Variants in ZNF79 observed in about 807,000 individuals in gnomAD.
The protein encoded by ZNF79 is ZNFpT7.
In ZNF79, 13 loss-of-function variants were observed where a neutral mutation model predicts 14.9. That is an observed-to-expected ratio of 0.87 (90% CI 0.57 to 1.38). The LOEUF (loss-of-function observed/expected upper bound fraction) is 1.38. Among genes scored for constraint, ZNF79 ranks in the 40% most tolerant of loss-of-function variants. The pLI is 0.00. For synonymous variants in ZNF79, 223 were observed against 235.1 expected, an observed-to-expected ratio of 0.95 and a Z score of 0.47; for missense variants, 631 against 630.6, an observed-to-expected ratio of 1.00 and a Z score of -0.01.
chr9:127,443,900 CAAA>C (rs34006666), intron 4 of ZNF79, 126 bp from the exon 5 acceptor site: 8,264 of 345,214 alleles, frequency 0.024, no homozygotes, highest in South Asian at 0.03. Context: ...GACTCCGTCT[CAAA>C]AAAAAAAAAA....
intron 4 of ZNF79, among the ~76,000 whole-genome samples, chr9:127,441,297 G>A (rs551827081): frequency 6.6e-6 from 1 of 152,202 alleles, no homozygotes; most frequent in Admixed American, 6.5e-5. Context: ...AGAATAACAA[G>A]AACCATGCAG....
chr9:127,440,158 G>A (rs575996373), intron 4 of ZNF79, among the ~76,000 whole-genome samples: 4 of 152,212 alleles, frequency 2.6e-5, no homozygotes, highest in East Asian at 3.9e-4. Context: ...CACCGCGCCC[G>A]GCCCACTAAT....
chr9:127,425,093 A>G (rs543148119), intron 1 of ZNF79, among the ~76,000 whole-genome samples: 98 of 152,146 alleles, frequency 6.4e-4, no homozygotes, highest in Non-Finnish European at 1.1e-3. Context: ...AGATGGACCA[A>G]TGACAGTGGA....
At chr9:127,438,971 G>C (rs936164137) in intron 4 of ZNF79, among the ~76,000 whole-genome samples, 9 of 152,152 alleles carry the variant, frequency 5.9e-5, no homozygotes, top group African/African-American at 2.2e-4. Context: ...AATTAGCTGG[G>C]CATGGTAGCA....
intron 4 of ZNF79, 145 bp downstream of exon 4, chr9:127,436,148 G>C: frequency 1.5e-6 from 1 of 682,754 alleles, no homozygotes; most frequent in Middle Eastern, 3.4e-4. Context: ...GCTGAGAAAG[G>C]CTGGCTCACT....
chr9:127,440,696 C>T (rs12551873), intron 4 of ZNF79, among the ~76,000 whole-genome samples: 4,202 of 152,060 alleles, frequency 0.028, 90 homozygotes, highest in East Asian at 0.057. Flanking sequence ...GGCATGGGAG[C>T]GGGGAGGTCA....
chr9:127,435,885 G>A, intron 3 of ZNF79, 23 bp from the exon 4 acceptor site: 3 of 1,607,620 alleles, frequency 1.9e-6, no homozygotes, highest in Non-Finnish European at 2.6e-6. Context: ...AATTTCTAAA[G>A]CCTGTTTTTT....
At chr9:127,443,878 G>T (rs1834095039) in intron 4 of ZNF79, 151 bp from the exon 5 acceptor site, 2 of 688,622 alleles carry the variant, frequency 2.9e-6, no homozygotes, top group Admixed American at 3.7e-5. Context: ...TCCAGCCTGG[G>T]CGACAGAGCG....
At chr9:127,429,686 A>G (rs2131944996) in intron 2 of ZNF79, among the ~76,000 whole-genome samples, 1 of 152,150 alleles carries the variant, frequency 6.6e-6, no homozygotes, top group South Asian at 2.1e-4. Context: ...GAACAAAGTA[A>G]TTCATGTTCC....
In ZNF79 at chr9:127,424,767, G is replaced by A. The variant is rs761913425; in HGVS notation, c.-21G>A. 3 of 1,613,894 alleles carry A rather than the reference G, an allele frequency of 1.9e-6. No individual in the cohort carries two copies. The South Asian group carries it at 3.3e-5, about 18-fold the overall frequency. ...ACGCCCAGAGAACTGCTGGGAGGCT[G>A]TGGCGCGAGGCGGGACTCAAATGCT... On this transcript the variant is annotated 5_prime_UTR_variant, in exon 1 of 5. It adds an upstream start codon to the 5' untranslated region. Transcript: ENST00000342483.
intron 4 of ZNF79, among the ~76,000 whole-genome samples, chr9:127,439,111 CAAAA>C (rs142533619): frequency 6.9e-6 from 1 of 145,500 alleles, no homozygotes; most frequent in Non-Finnish European, 1.5e-5. Context: ...GACTCTGTCA[CAAAA>C]AAAAAGAAAA....
intron 4 of ZNF79, among the ~76,000 whole-genome samples, chr9:127,436,601 C>G (rs2131954454): frequency 6.6e-6 from 1 of 152,380 alleles, no homozygotes; most frequent in East Asian, 1.9e-4. Flanking sequence ...CAGCTGCTCT[C>G]TCCCCTAATC....
intron 4 of ZNF79, among the ~76,000 whole-genome samples, chr9:127,439,056 G>A (rs995340094): frequency 6.6e-6 from 1 of 151,972 alleles, no homozygotes; most frequent in Non-Finnish European, 1.5e-5. Flanking sequence ...AGACTGCCAT[G>A]AGCCAAGATC....
rs145677996 is a variant in ZNF79, at chr9:127,437,382, T to C, written c.328+1379T>C. On this transcript the variant is annotated intron_variant, in intron 4 of 4. Coordinates refer to ENST00000342483, the MANE Select transcript of ZNF79 (RefSeq NM_007135.3). ...GCATCTCTGTGTTCTATATAGTCTA[T>C]ACAGAGGACTGAAGTCCTCTGTGGA... Among the ~76,000 whole-genome samples, 8 of 151,626 alleles carry C rather than the reference T, an allele frequency of 5.3e-5. No homozygotes were observed. The East Asian group carries it at 1.6e-3, about 30-fold the overall frequency.
Position 127,445,204 on chromosome 9 carries a change from A to T in ZNF79, c.*7A>T, listed in dbSNP as rs772550672. ...ACTCCACGCCGGAGAGTAACTAGGA[A>T]CATGGTAGAAGTGGAGAGAGTCCCG... On this transcript the variant is annotated 3_prime_UTR_variant, in exon 5 of 5. Coordinates refer to ENST00000342483, the MANE Select transcript of ZNF79 (RefSeq NM_007135.3). 48 of 1,612,968 alleles carry T rather than the reference A, an allele frequency of 3.0e-5. No homozygotes were observed. The highest frequency in any genetic ancestry group is 4.1e-5 in the Non-Finnish European group (48 of 1,179,234).
At chr9:127,426,499 C>T (rs1007326423) in intron 1 of ZNF79, among the ~76,000 whole-genome samples, 8 of 151,958 alleles carry the variant, frequency 5.3e-5, no homozygotes, top group Non-Finnish European at 8.8e-5. Flanking sequence ...CTCAGCCTCC[C>T]GAGTAGTTGG....
intron 1 of ZNF79, 59 bp downstream of exon 1, chr9:127,424,862 G>T: frequency 6.2e-7 from 1 of 1,610,288 alleles, no homozygotes; most frequent in Admixed American, 1.7e-5. Context: ...GTTTGCCCAC[G>T]ACTGCCGCTG....
chr9:127,440,139 G>C (rs973246944), intron 4 of ZNF79, among the ~76,000 whole-genome samples: 4 of 152,192 alleles, frequency 2.6e-5, no homozygotes, highest in Non-Finnish European at 5.9e-5. Context: ...TGGGATTACA[G>C]GCATGAGCCA....
At position 127,445,130 on chromosome 9, in the gene ZNF79, A is replaced by C; in HGVS notation, c.1430A>C (p.Glu477Ala). ...HTGVKPYECS[E>A]CGKAFRCSSA... is the part of the protein sequence containing the mutation. ...GGCGTGAAACCCTACGAATGCAGCG[A>C]GTGTGGGAAGGCCTTCCGGTGCAGC... The change falls in exon 5 of 5, where the codon GAG (glutamate) becomes GCG (alanine). Residue 477 changes from glutamate to alanine, a missense_variant. Transcript: ENST00000342483. 6.2e-7 allele frequency: 1 copy of C among 1,614,114 alleles called. No individual in the cohort carries two copies. Among genetic ancestry groups the C allele is most frequent in the Non-Finnish European group, 8.5e-7 (1 of 1,179,980 alleles).
Sources: allele counts gnomAD v4.1 joint callset (sites outside exome capture counted in the v4.1 genomes callset), GRCh38; gene constraint gnomAD v4.1.1; transcripts MANE v1.5; gene names NCBI Gene and HGNC (gene_info 2026-07-23, HGNC 2026-07-21).